The following CDH15 variants were observed in gnomAD, a reference collection of about 807,000 sequenced individuals.
The protein encoded by CDH15 is cadherin 15, also known as cadherin-15.
CDH15 carries 73 observed loss-of-function variants against 69.4 expected under a neutral mutation model. That is an observed-to-expected ratio of 1.05 (90% CI 0.87 to 1.28). The LOEUF (loss-of-function observed/expected upper bound fraction) is 1.28. Among genes scored for constraint, CDH15 ranks in the 50% most tolerant of loss-of-function variants. CDH15 has a pLI of 0.00. For synonymous variants in CDH15, 624 were observed against 507.7 expected (o/e 1.23, Z -3.08); for missense variants, 1,343 against 1,133.6 (o/e 1.18, Z -2.65).
chr16:89,183,358 G>A, intron 3 of CDH15, 190 bp from the exon 4 acceptor site: 1 of 632,464 alleles, frequency 1.6e-6, no homozygotes. Flanking sequence ...GCTAAGGGAA[G>A]GTGGCTCCCG....
In CDH15 at chr16:89,191,762, C is replaced by G; in HGVS notation, c.1483C>G (p.Pro495Ala). ...GCCGCCGGGCAGCCTGTGCAGCGAG[C>G]CACACCAAGGCCCAGGCCTCCTCCT... ...PPPPGSLCSE[P>A]HQGPGLLLGA... is the part of the protein sequence containing the mutation. Residue 495 changes from proline (P) to alanine (A), a missense_variant, in exon 10 of 14, where the codon CCA becomes GCA. Transcript: ENST00000289746. 1 of 1,606,566 alleles carries G rather than the reference C, an allele frequency of 6.2e-7. No individual in the cohort carries two copies. Among genetic ancestry groups the G allele is most frequent in the South Asian group, 1.1e-5 (1 of 91,028 alleles).
chr16:89,172,159 C>T (rs911390533), intron 1 of CDH15, among the ~76,000 whole-genome samples: 5 of 152,142 alleles, frequency 3.3e-5, no homozygotes, highest in African/African-American at 9.7e-5. Flanking sequence ...TAGCCGTGCC[C>T]TCTCTTTGGA....
At chr16:89,187,000 G>T in intron 5 of CDH15, among the ~76,000 whole-genome samples, 2 of 148,892 alleles carry the variant, frequency 1.3e-5, no homozygotes, top group East Asian at 2.2e-4. Context: ...CTTACCCAGC[G>T]CACAGTAGGT....
In CDH15 at chr16:89,191,358, TG is replaced by T. The variant is rs866721647; in HGVS notation, c.1263del (p.Trp421CysfsTer56). On this transcript the variant is annotated frameshift_variant, in exon 9 of 14. Coordinates refer to ENST00000289746, the MANE Select transcript of CDH15 (RefSeq NM_004933.3). LOFTEE classifies it high-confidence loss of function. The part of the protein sequence containing the change: ...SYSKDYDPED[W>X]LQVDAATGRI... ...CTCCAAGGACTACGACCCGGAAGACTGGCTGCAAGTGGACGCAGCCACTGGC... is the reference window on the plus strand; with the variant it reads ...CTCCAAGGACTACGACCCGGAAGACTGCTGCAAGTGGACGCAGCCACTGGC... 3 of 1,612,440 alleles carry T rather than the reference TG, an allele frequency of 1.9e-6. No individual in the cohort carries two copies. The highest frequency in any genetic ancestry group is 2.5e-6 in the Non-Finnish European group (3 of 1,179,968).
At position 89,191,413 on chromosome 16, in the gene CDH15, C is replaced by T. The variant is rs773978015; in HGVS notation, c.1316C>T (p.Pro439Leu). 3.7e-6 allele frequency: 6 copies of T among 1,612,766 alleles called. No individual in the cohort carries two copies. The highest frequency in any genetic ancestry group is 5.1e-6 in the Non-Finnish European group (6 of 1,179,982). ...GRIQTQHVLS[P>L]ASPFLKGGWY... ...ATCCAGACCCAGCACGTGCTCAGCC[C>T]GGCGTCCCCCTTCCTCAAGGGCGGC... Residue 439 changes from proline (P) to leucine (L), a missense_variant, in exon 9 of 14, where the codon CCG (proline) becomes CTG (leucine). By Grantham distance (98) the Pro-to-Leu change is moderately conservative. Coordinates refer to ENST00000289746, the MANE Select transcript of CDH15 (RefSeq NM_004933.3).
At chr16:89,173,908 A>T (rs1050090525) in intron 1 of CDH15, among the ~76,000 whole-genome samples, 8 of 152,172 alleles carry the variant, frequency 5.3e-5, no homozygotes, top group Admixed American at 1.3e-4. Flanking sequence ...GGGGCAGCAC[A>T]CTTGACTCAC....
rs188390871 is a variant in CDH15 at position 89,187,564 on chromosome 16, C to T, written c.792+7C>T. The T allele has an allele frequency of 1.8e-3, 2,887 of 1,613,370 alleles. 6 individuals are homozygous for T. The highest frequency in any genetic ancestry group is 2.3e-3 in the Non-Finnish European group (2,731 of 1,180,020). On this transcript the variant is annotated splice_region_variant and intron_variant, in intron 6 of 13. Coordinates refer to ENST00000289746, the MANE Select transcript of CDH15 (RefSeq NM_004933.3). ...CGAGTTCACCAGGGATGAGGTGCTG[C>T]TGCTGTCCCTCCCTCGAAAGTAGCC...
At position 89,188,248 on chromosome 16, in the gene CDH15, A is replaced by C; in HGVS notation, c.941A>C (p.Asp314Ala). 1 of 1,613,484 alleles carries C rather than the reference A, an allele frequency of 6.2e-7. No homozygotes were observed. Among genetic ancestry groups the C allele is most frequent in the Non-Finnish European group, 8.5e-7 (1 of 1,179,948 alleles). Residue 314 changes from aspartate (D) to alanine (A), a missense_variant, in exon 7 of 14, where the codon GAC becomes GCC. Physicochemically the swap from Asp to Ala is moderately radical, Grantham distance 126 (BLOSUM62 -2). Coordinates refer to ENST00000289746, the MANE Select transcript of CDH15 (RefSeq NM_004933.3). The part of the protein sequence containing the change: ...DPDGQFTIRT[D>A]PKTNEGVLSI... Reference sequence around the variant, plus strand: ...GATGGGCAGTTCACCATCCGCACGGACCCCAAGACCAACGAGGGTGTTCTG... The same window carrying C: ...GATGGGCAGTTCACCATCCGCACGGCCCCCAAGACCAACGAGGGTGTTCTG...
intron 11 of CDH15, 27 bp from the exon 12 acceptor site, chr16:89,193,443 C>T (rs775284811): frequency 1.9e-6 from 3 of 1,591,814 alleles, no homozygotes; most frequent in African/African-American, 1.4e-5. Flanking sequence ...TGTGCCTGGC[C>T]CCAGCCTGCG....
chr16:89,192,032 C>A lies in CDH15; in HGVS notation c.1615+138C>A, dbSNP rs973292581. The A allele has an allele frequency of 3.5e-5, 40 of 1,155,622 alleles. No homozygotes were observed. The South Asian group carries it at 4.9e-4, about 14-fold the overall frequency. 71.6% of individuals were successfully genotyped at this position (1,155,622 alleles called of 1,614,324 possible). On this transcript the variant is annotated intron_variant, in intron 10 of 13. Coordinates refer to ENST00000289746, the MANE Select transcript of CDH15 (RefSeq NM_004933.3). ...ACAGGTCCCCTCCCGCCACCCCCCC[C>A]ACCACTGCATCCTCCCGTGGGGCAG...
At position 89,179,415 on chromosome 16, in the gene CDH15, G is replaced by A. The variant is rs1915324763; in HGVS notation, c.43-1G>A. ...GTGGGACGCATCTGTCTTTGTTGCA[G>A]AGCCTCTGCCTGTCTTTGGGGGTTC... On this transcript the variant is annotated splice_acceptor_variant, in intron 1 of 13. Coordinates refer to ENST00000289746, the MANE Select transcript of CDH15 (RefSeq NM_004933.3). LOFTEE classifies it high-confidence loss of function. 1.9e-6 allele frequency: 3 copies of A among 1,613,474 alleles called. No homozygotes were observed. In the African/African-American group the frequency reaches 4.0e-5, roughly 22 times the overall value.
At chr16:89,180,570 C>T (rs1008322872) in intron 3 of CDH15, among the ~76,000 whole-genome samples, 3 of 152,212 alleles carry the variant, frequency 2.0e-5, no homozygotes, top group Non-Finnish European at 2.9e-5. Context: ...GCCCATTTAA[C>T]TGGAGGGCAG....
Position 89,193,452 on chromosome 16 carries a change from C to G in CDH15, c.1856-18C>G, listed in dbSNP as rs750713003. On this transcript the variant is annotated intron_variant, in intron 11 of 13. Transcript: ENST00000289746. ...GCGCCCTGTGCCTGGCCCCAGCCTG[C>G]GTCCCCTCATTCCCCAGTGCTGGTC... 1 of 1,599,272 alleles carries G rather than the reference C, an allele frequency of 6.3e-7. No homozygotes were observed. Among genetic ancestry groups the G allele is most frequent in the South Asian group, 1.1e-5 (1 of 89,956 alleles).
rs1915784347 is a variant in CDH15, at chr16:89,195,365, C to T, written c.*210C>T. 5.1e-6 allele frequency: 3 copies of T among 591,618 alleles called. No homozygotes were observed. The highest frequency in any genetic ancestry group is 2.3e-5 in the South Asian group (1 of 44,224). The allele number at this position is 591,618 out of a possible 1,614,324, so 36.6% of individuals were successfully genotyped here. On this transcript the variant is annotated 3_prime_UTR_variant, in exon 14 of 14. Transcript: ENST00000289746. The stretch of plus-strand genomic sequence containing the variant: ...TGCCGGGGTGGGAAGAGTTTCTCTC[C>T]ATCGGCCCCATGCGGGTCACCTCCC...
chr16:89,186,640 CCAGCGCA>C (rs1915495276), intron 5 of CDH15, among the ~76,000 whole-genome samples: 1 of 140,068 alleles, frequency 7.1e-6, no homozygotes, highest in Non-Finnish European at 1.6e-5. Flanking sequence ...AAACGCTCAC[CCAGCGCA>C]CAGTAGGTGC....
chr16:89,173,827 G>C (rs1189537717), intron 1 of CDH15, among the ~76,000 whole-genome samples: 1 of 152,188 alleles, frequency 6.6e-6, no homozygotes, highest in East Asian at 1.9e-4. Context: ...CAGCCCTGCT[G>C]CACCTACACC....
chr16:89,192,137 C>T, intron 10 of CDH15, 68 bp from the exon 11 acceptor site: 2 of 1,467,298 alleles, frequency 1.4e-6, no homozygotes, highest in Admixed American at 4.8e-5. Flanking sequence ...CCTGTCTCGG[C>T]GCGAGGAGGG....
Position 89,195,028 on chromosome 16 carries a change from T to G in CDH15, c.2318T>G (p.Phe773Cys). 1.9e-6 allele frequency: 3 copies of G among 1,612,404 alleles called. No homozygotes were observed. The highest frequency in any genetic ancestry group is 2.5e-6 in the Non-Finnish European group (3 of 1,179,806). Residue 773 changes from phenylalanine to cysteine, a missense_variant, in exon 14 of 14, where the codon TTC (phenylalanine) becomes TGC (cysteine). Physicochemically the swap from Phe to Cys is radical, Grantham distance 205. Coordinates refer to ENST00000289746, the MANE Select transcript of CDH15 (RefSeq NM_004933.3). ...TACCTCAGAGACTGGGGGCCCCGCT[T>G]CGCCCGGCTGGCAGACATGTATGGG... is the stretch of plus-strand genomic sequence containing the variant. ...YDYLRDWGPR[F>C]ARLADMYGHP...
chr16:89,181,341 C>T (rs1167172254), intron 3 of CDH15, among the ~76,000 whole-genome samples: 3 of 152,080 alleles, frequency 2.0e-5, no homozygotes, highest in South Asian at 2.1e-4. Context: ...GAGCGCCGGG[C>T]GCGGTGGCTC....
Sources: allele counts gnomAD v4.1 joint callset (sites outside exome capture counted in the v4.1 genomes callset), GRCh38; gene constraint gnomAD v4.1.1; transcripts MANE v1.5; gene names NCBI Gene and HGNC (gene_info 2026-07-23, HGNC 2026-07-21).